Variants in DGKI observed in about 807,000 individuals in gnomAD.
DGKI encodes the protein DAG kinase iota.
DGKI carries 55 observed loss-of-function variants against 147.5 expected under a neutral mutation model. The ratio of observed to expected loss-of-function variants is 0.37; its 90% CI spans 0.30 to 0.47. DGKI has a LOEUF of 0.47. Ranked by LOEUF, DGKI falls within the 20% of genes least tolerant of loss-of-function variation. The probability of loss-of-function intolerance (pLI) is 1.00; values close to 1 mark genes in which losing one functional copy is unlikely to be tolerated. For missense variants in DGKI, 1,007 were observed against 1,323.8 expected (o/e 0.76, Z 3.71); for synonymous variants, 469 against 477.1 (o/e 0.98, Z 0.22).
chr7:137,643,793 T>C (rs1188122638), intron 6 of DGKI, among the ~76,000 whole-genome samples: 2 of 152,192 alleles, frequency 1.3e-5, no homozygotes, highest in African/African-American at 4.8e-5. Flanking sequence ...AGGGAACACT[T>C]GTCTCAAAGT....
At position 137,718,292 on chromosome 7, in the gene DGKI, C is replaced by A. The variant is rs949959988; in HGVS notation, c.402-28290G>T. Among the ~76,000 whole-genome samples, 3 of 152,106 alleles carry A rather than the reference C, an allele frequency of 2.0e-5. No individual in the cohort carries two copies. The South Asian group carries it at 6.2e-4, about 32-fold the overall frequency. On this transcript the variant is annotated intron_variant, in intron 1 of 32. Transcript: ENST00000614521. ...AGCTTTACGGATGAGGAGAATGACA[C>A]CCAGGGAGGTTATGTAACTTGTCCC...
chr7:137,722,212 G>A (rs372405565), intron 1 of DGKI: 288 of 1,599,264 alleles, frequency 1.8e-4, no homozygotes, highest in African/African-American at 1.3e-3. Flanking sequence ...GTACTCAGCC[G>A]CTAAATCCAA....
intron 2 of DGKI, among the ~76,000 whole-genome samples, chr7:137,689,503 G>GA (rs777150724): frequency 3.2e-4 from 49 of 152,090 alleles, no homozygotes; most frequent in Non-Finnish European, 4.6e-4. Context: ...AATCCTCTGG[G>GA]AAAAAAAGCA....
intron 1 of DGKI, among the ~76,000 whole-genome samples, chr7:137,708,295 G>A (rs975178602): frequency 2.0e-5 from 3 of 152,186 alleles, no homozygotes; most frequent in African/African-American, 7.2e-5. Flanking sequence ...TAGAGTAAAG[G>A]AAGCAATTAA....
rs1271333875 is a variant in DGKI, at chr7:137,846,716, T to A, written c.147A>T (p.Gly49=). Residue 49 remains glycine, a synonymous_variant, in exon 1 of 33, where the codon GGA becomes GGT. Transcript: ENST00000614521. The surrounding 1 kb of genome is among the most constrained non-coding windows in gnomAD (Gnocchi z 4.0). ...AGGAGCTGGGGTTCATGGCGCCCGCTCCGGCGGCCGCGGAGGGAGCGCAGG... is the reference window on the plus strand; with the variant it reads ...AGGAGCTGGGGTTCATGGCGCCCGCACCGGCGGCCGCGGAGGGAGCGCAGG... The part of the protein sequence containing the change: ...GAACAPSAAA[G]AGAMNPSSSA... 1.1e-5 allele frequency: 11 copies of A among 1,025,652 alleles called. No individual in the cohort carries two copies. The highest frequency in any genetic ancestry group is 9.3e-6 in the Non-Finnish European group (8 of 857,394). 63.5% of individuals were successfully genotyped at this position (1,025,652 alleles called of 1,614,324 possible).
rs1563151895 is a variant in DGKI, at chr7:137,690,009, C to G, written c.402-7G>C. On this transcript the variant is annotated splice_region_variant and splice_polypyrimidine_tract_variant and intron_variant, in intron 1 of 32. Coordinates refer to ENST00000614521, the MANE Select transcript of DGKI (RefSeq NM_001321708.2). ...TGCCCGGGAGATTGCTTTCCTGCAG[C>G]AAGAAGAAAAACAAAAACAAAAACA... The G allele has an allele frequency of 1.3e-5, 20 of 1,581,702 alleles. No individual in the cohort carries two copies. Among genetic ancestry groups the G allele is most frequent in the Non-Finnish European group, 1.7e-5 (20 of 1,166,106 alleles).
intron 1 of DGKI, among the ~76,000 whole-genome samples, chr7:137,773,308 G>T (rs915201575): frequency 1.3e-5 from 2 of 152,160 alleles, no homozygotes; most frequent in Admixed American, 6.5e-5. Flanking sequence ...TGACACTTTG[G>T]GAAAACCCTC....
At chr7:137,583,923 C>T (rs1819294441) in intron 14 of DGKI, among the ~76,000 whole-genome samples, 1 of 152,084 alleles carries the variant, frequency 6.6e-6, no homozygotes, top group Non-Finnish European at 1.5e-5. Context: ...ACTAGAATTT[C>T]AGGATCATGG....
chr7:137,562,591 T>C (rs899156754), intron 19 of DGKI, among the ~76,000 whole-genome samples: 5 of 152,106 alleles, frequency 3.3e-5, no homozygotes, highest in Admixed American at 1.3e-4. Flanking sequence ...GAGAAAAAGA[T>C]AGGTAAATTG....
chr7:137,669,902 A>C (rs899456586), intron 3 of DGKI, among the ~76,000 whole-genome samples: 3 of 152,138 alleles, frequency 2.0e-5, no homozygotes, highest in African/African-American at 7.2e-5. Context: ...ACTGCAAAGC[A>C]TTGTGTGAGC....
chr7:137,503,510 AGG>A (rs1816257097), intron 21 of DGKI, among the ~76,000 whole-genome samples: 1 of 152,182 alleles, frequency 6.6e-6, no homozygotes, highest in Non-Finnish European at 1.5e-5. Context: ...GTGTTTCCCA[AGG>A]ATTTTTGATG....
chr7:137,739,462 G>A (rs1290799083), intron 1 of DGKI, among the ~76,000 whole-genome samples: 2 of 152,058 alleles, frequency 1.3e-5, no homozygotes, highest in African/African-American at 2.4e-5. Flanking sequence ...TCAGAGTTAC[G>A]GTGTAATCTG....
chr7:137,405,165 T>A (rs1416028010), intron 30 of DGKI, among the ~76,000 whole-genome samples: 1 of 152,204 alleles, frequency 6.6e-6, no homozygotes, highest in Admixed American at 6.5e-5. Context: ...AGATGAGGAG[T>A]TCTGCTGTTT....
intron 1 of DGKI, among the ~76,000 whole-genome samples, chr7:137,750,244 T>C (rs192308900): frequency 1.3e-5 from 2 of 152,304 alleles, no homozygotes; most frequent in African/African-American, 4.8e-5. Context: ...CACAGGGCTA[T>C]AGAGCTGGTG....
chr7:137,427,192 A>T (rs1407701249), intron 28 of DGKI, among the ~76,000 whole-genome samples: 4 of 152,082 alleles, frequency 2.6e-5, no homozygotes, highest in Non-Finnish European at 5.9e-5. Flanking sequence ...GAAATTATAA[A>T]AAACTGTCTC....
chr7:137,813,212 G>T (rs6467720), intron 1 of DGKI, among the ~76,000 whole-genome samples: 68,934 of 151,980 alleles, frequency 0.45, 16,359 homozygotes, highest in Middle Eastern at 0.61. Context: ...GCACTGCTAA[G>T]ACAAAGTGCA....
Position 137,551,445 on chromosome 7 carries a change from A to C in DGKI, c.2147+924T>G, listed in dbSNP as rs528198033. 9.2e-5 allele frequency among the ~76,000 whole-genome samples: 14 copies of C among 152,328 alleles called. No individual in the cohort carries two copies. The South Asian group carries it at 2.9e-3, about 32-fold the overall frequency. ...CACAAGGAAGCCAGCCACTCAGTGCAAATAGGTAACCATGCATTACAGGCC... is the reference window on the plus strand; with the variant it reads ...CACAAGGAAGCCAGCCACTCAGTGCCAATAGGTAACCATGCATTACAGGCC... On this transcript the variant is annotated intron_variant, in intron 20 of 32. Coordinates refer to ENST00000614521, the MANE Select transcript of DGKI (RefSeq NM_001321708.2).
chr7:137,462,157 A>C (rs1225117104), intron 27 of DGKI, among the ~76,000 whole-genome samples: 4 of 152,160 alleles, frequency 2.6e-5, no homozygotes, highest in African/African-American at 7.2e-5. Flanking sequence ...CTCAGTAAAC[A>C]AATACTGGTT....
intron 1 of DGKI, chr7:137,722,336 C>T: frequency 1.2e-6 from 2 of 1,612,696 alleles, no homozygotes; most frequent in Non-Finnish European, 1.7e-6. Flanking sequence ...AGATATTATC[C>T]TACTGAAGAT....
Sources: gnomAD v4.1 joint callset for allele counts (sites outside exome capture counted in the v4.1 genomes callset) on GRCh38, gnomAD v4.1.1 for gene constraint, Gnocchi (gnomAD v3.1) non-coding constraint, MANE v1.5 for transcripts, NCBI Gene and HGNC (gene_info 2026-07-23, HGNC 2026-07-21) for gene names.